Variants in HTR4 observed in about 807,000 individuals in gnomAD.
The protein encoded by HTR4 is 5-hydroxytryptamine receptor 4.
In HTR4, 16 loss-of-function variants were observed where a neutral mutation model predicts 36.8. The observed-to-expected ratio is 0.43, with a 90% CI of 0.29 to 0.66. The LOEUF is 0.66. HTR4 is among the 30% of genes least tolerant of loss of function. The pLI is 0.13. For missense variants in HTR4, 438 were observed against 490.9 expected (o/e 0.89, Z 1.02); for synonymous variants, 189 against 185.1 (o/e 1.02, Z -0.17).
chr5:148,619,331 G>GA (rs763222145), intron 2 of HTR4, among the ~76,000 whole-genome samples: 42 of 151,858 alleles, frequency 2.8e-4, no homozygotes, highest in Non-Finnish European at 5.6e-4. Context: ...ATGCTTGCAA[G>GA]AAAAAAATGC....
At chr5:148,510,897 T>C (rs1757466025) in intron 5 of HTR4, among the ~76,000 whole-genome samples, 1 of 152,222 alleles carries the variant, frequency 6.6e-6, no homozygotes, top group African/African-American at 2.4e-5. Context: ...AAAGGGTAGA[T>C]ATTTTAATGG....
intron 2 of HTR4, among the ~76,000 whole-genome samples, chr5:148,600,991 A>AAAAAAAAAAAAAAAC: frequency 6.7e-6 from 1 of 148,548 alleles, no homozygotes; most frequent in Non-Finnish European, 1.5e-5. Flanking sequence ...AAAAAAAAAA[A>AAAAAAAAAAAAAAAC]AAAAAAAAAA....
intron 6 of HTR4, among the ~76,000 whole-genome samples, chr5:148,499,547 G>A (rs1756840913): frequency 6.6e-6 from 1 of 152,138 alleles, no homozygotes. Flanking sequence ...CCTTAAGCCT[G>A]CCCTCTAATA....
chr5:148,537,967 T>C (rs1758914361), intron 4 of HTR4, among the ~76,000 whole-genome samples: 1 of 152,144 alleles, frequency 6.6e-6, no homozygotes, highest in Admixed American at 6.5e-5. Flanking sequence ...TGAATATCAA[T>C]GCAAAAATCC....
chr5:148,624,590 G>T (rs1013403522), intron 2 of HTR4, among the ~76,000 whole-genome samples: 2 of 152,170 alleles, frequency 1.3e-5, no homozygotes, highest in African/African-American at 4.8e-5. Flanking sequence ...TCACATGCCA[G>T]GAAATCTGCA....
intron 4 of HTR4, among the ~76,000 whole-genome samples, chr5:148,538,453 C>T (rs926425611): frequency 9.9e-5 from 15 of 152,078 alleles, no homozygotes; most frequent in Non-Finnish European, 4.4e-5. Context: ...TTGAAGATAA[C>T]ATGATTCTAT....
intron 2 of HTR4, among the ~76,000 whole-genome samples, chr5:148,604,429 T>C (rs1021632829): frequency 6.6e-6 from 1 of 152,172 alleles, no homozygotes; most frequent in African/African-American, 2.4e-5. Context: ...TCTTATACTG[T>C]TGCTGGAAAA....
chr5:148,477,590 C>G (rs961664589), downstream of HTR4, among the ~76,000 whole-genome samples: 1 of 152,126 alleles, frequency 6.6e-6, no homozygotes, highest in African/African-American at 2.4e-5. Flanking sequence ...TGACGTACAG[C>G]CTGGTTTTCT....
At chr5:148,600,684 G>T (rs150837396) in intron 2 of HTR4, among the ~76,000 whole-genome samples, 1 of 151,638 alleles carries the variant, frequency 6.6e-6, no homozygotes, top group African/African-American at 2.4e-5. Flanking sequence ...CAAAAGATCC[G>T]TACGCTGACA....
At chr5:148,587,027 C>A (rs1172009122) in intron 2 of HTR4, among the ~76,000 whole-genome samples, 1 of 152,158 alleles carries the variant, frequency 6.6e-6, no homozygotes, top group Non-Finnish European at 1.5e-5. Context: ...CTAGGTGAGG[C>A]AGACACTCTC....
downstream of HTR4, among the ~76,000 whole-genome samples, chr5:148,478,810 A>C (rs1755786872): frequency 6.6e-6 from 1 of 152,106 alleles, no homozygotes; most frequent in African/African-American, 2.4e-5. Flanking sequence ...ATATGTGAGA[A>C]GATAGGTCCC....
At chr5:148,606,944 T>C (rs1045378966) in intron 2 of HTR4, among the ~76,000 whole-genome samples, 8 of 152,220 alleles carry the variant, frequency 5.3e-5, no homozygotes, top group African/African-American at 1.7e-4. Context: ...CAAGGTTTAA[T>C]TGGTAATTGT....
At chr5:148,560,290 T>A (rs1300986828) in intron 2 of HTR4, among the ~76,000 whole-genome samples, 1 of 151,346 alleles carries the variant, frequency 6.6e-6, no homozygotes, top group East Asian at 1.9e-4. Context: ...AGAGCAGTGG[T>A]GCTTCAAAAT....
At chr5:148,637,457 T>TA (rs201955300) in intron 1 of HTR4, among the ~76,000 whole-genome samples, 1,727 of 152,262 alleles carry the variant, frequency 0.011, 38 homozygotes, top group African/African-American at 0.04. Flanking sequence ...ATGAGGATTT[T>TA]AAAAAAATGT....
At chr5:148,564,313 T>G (rs1226135202) in intron 2 of HTR4, among the ~76,000 whole-genome samples, 4 of 152,190 alleles carry the variant, frequency 2.6e-5, no homozygotes, top group Admixed American at 2.6e-4. Context: ...CATCTTATTG[T>G]CTGGGAAGCC....
intron 2 of HTR4, among the ~76,000 whole-genome samples, chr5:148,604,706 TAA>T (rs961882987): frequency 1.3e-5 from 2 of 152,202 alleles, no homozygotes; most frequent in Non-Finnish European, 2.9e-5. Context: ...ATGAAATGGA[TAA>T]ATCTCAAAGA....
chr5:148,546,128 C>G (rs1759373228), intron 4 of HTR4, among the ~76,000 whole-genome samples: 1 of 152,124 alleles, frequency 6.6e-6, no homozygotes, highest in African/African-American at 2.4e-5. Context: ...CTAGATGATG[C>G]AAGCTGTTGG....
intron 1 of HTR4, among the ~76,000 whole-genome samples, chr5:148,637,833 A>C (rs1039477032): frequency 1.3e-5 from 2 of 152,206 alleles, no homozygotes; most frequent in African/African-American, 4.8e-5. Flanking sequence ...CCACAGCATG[A>C]TGAATCAGTA....
intron 3 of HTR4, among the ~76,000 whole-genome samples, chr5:148,549,238 T>A (rs1449022239): frequency 6.6e-6 from 1 of 152,134 alleles, no homozygotes. Flanking sequence ...GCCTGGTTAA[T>A]CCCACCCACC....
Sources: gnomAD v4.1 joint callset for allele counts (sites outside exome capture counted in the v4.1 genomes callset) on GRCh38, gnomAD v4.1.1 for gene constraint, MANE v1.5 for transcripts, NCBI Gene and HGNC (gene_info 2026-07-23, HGNC 2026-07-21) for gene names.